The following BBS9 variants were observed in gnomAD, a reference collection of about 807,000 sequenced individuals.
BBS9 encodes the protein Bardet-Biedl syndrome 9, also known as protein PTHB1.
A neutral mutation model predicts 117.7 loss-of-function variants in BBS9; 89 were observed. The ratio of observed to expected loss-of-function variants is 0.76; its 90% CI spans 0.64 to 0.90. The LOEUF (loss-of-function observed/expected upper bound fraction) is 0.90, where lower values mean the gene tolerates loss of function less well. Ranked by LOEUF, BBS9 falls within the 40% of genes least tolerant of loss-of-function variation. BBS9 has a pLI of 0.00. For missense variants in BBS9, 982 were observed against 1,042.2 expected (o/e 0.94, Z 0.80); for synonymous variants, 379 against 370.9 (o/e 1.02, Z -0.25).
intron 21 of BBS9, among the ~76,000 whole-genome samples, chr7:33,627,616 A>G (rs1865703026): frequency 6.6e-6 from 1 of 152,240 alleles, no homozygotes; most frequent in Non-Finnish European, 1.5e-5. Flanking sequence ...AGAGCCACAT[A>G]GGCAGAGATG....
At chr7:33,406,875 C>A (rs1830100913) in intron 19 of BBS9, among the ~76,000 whole-genome samples, 1 of 152,106 alleles carries the variant, frequency 6.6e-6, no homozygotes. Context: ...ACATTTTTTC[C>A]TTCGTTTCAA....
At chr7:33,260,316 T>C (rs1797776995) in intron 6 of BBS9, among the ~76,000 whole-genome samples, 1 of 152,166 alleles carries the variant, frequency 6.6e-6, no homozygotes. Flanking sequence ...TATTTTATTA[T>C]TGACATTCAG....
chr7:33,500,934 T>C (rs2129010001), intron 19 of BBS9, among the ~76,000 whole-genome samples: 1 of 152,326 alleles, frequency 6.6e-6, no homozygotes, highest in African/African-American at 2.4e-5. Flanking sequence ...AGATGTCCTT[T>C]GGGGTCTCCA....
At chr7:33,521,708 T>A (rs1848623477) in intron 20 of BBS9, among the ~76,000 whole-genome samples, 1 of 152,132 alleles carries the variant, frequency 6.6e-6, no homozygotes, top group African/African-American at 2.4e-5. Flanking sequence ...TTATGTTATT[T>A]TATTTTCTAT....
At chr7:33,493,921 GCTGA>G (rs541255483) in intron 19 of BBS9, among the ~76,000 whole-genome samples, 3 of 152,098 alleles carry the variant, frequency 2.0e-5, no homozygotes, top group Non-Finnish European at 2.9e-5. Context: ...TATCTATAAT[GCTGA>G]CTATCAAACT....
At chr7:33,203,668 T>A (rs1786326521) in intron 5 of BBS9, among the ~76,000 whole-genome samples, 1 of 152,092 alleles carries the variant, frequency 6.6e-6, no homozygotes, top group Non-Finnish European at 1.5e-5. Context: ...GTAACAAGTA[T>A]TAGAAATTAA....
chr7:33,498,690 C>G (rs1467925678), intron 19 of BBS9, among the ~76,000 whole-genome samples: 3 of 152,032 alleles, frequency 2.0e-5, no homozygotes, highest in Non-Finnish European at 4.4e-5. Flanking sequence ...TGTATAAGTA[C>G]TTGGTTTCTT....
chr7:33,309,296 A>G (rs1186357478), intron 9 of BBS9, among the ~76,000 whole-genome samples: 2 of 147,330 alleles, frequency 1.4e-5, no homozygotes, highest in African/African-American at 2.4e-5. Context: ...AAGGTTTCCA[A>G]CACTTCAAAT....
chr7:33,446,330 G>A (rs1277051799), intron 19 of BBS9, among the ~76,000 whole-genome samples: 1 of 152,108 alleles, frequency 6.6e-6, no homozygotes, highest in African/African-American at 2.4e-5. Context: ...CCATAGTATT[G>A]CCATTTGGTT....
At chr7:33,337,820 G>A (rs528414705) in intron 10 of BBS9, among the ~76,000 whole-genome samples, 34 of 152,150 alleles carry the variant, frequency 2.2e-4, no homozygotes, top group Admixed American at 4.6e-4. Context: ...AATTGGGGAA[G>A]GGTGGCATAG....
intron 13 of BBS9, among the ~76,000 whole-genome samples, chr7:33,350,209 C>T (rs796105093): frequency 2.4e-4 from 36 of 152,162 alleles, no homozygotes; most frequent in African/African-American, 6.7e-4. Flanking sequence ...CTCTTATTCA[C>T]GAAGTCAAGA....
chr7:33,345,053 C>T (rs913977679), intron 12 of BBS9, among the ~76,000 whole-genome samples: 2 of 152,196 alleles, frequency 1.3e-5, no homozygotes, highest in Admixed American at 6.5e-5. Context: ...TATCTTTCTT[C>T]TACCTATGAT....
chr7:33,152,389 A>G (rs750066769), intron 2 of BBS9, among the ~76,000 whole-genome samples: 8 of 152,298 alleles, frequency 5.3e-5, no homozygotes, highest in South Asian at 4.1e-4. Flanking sequence ...ACATTGTACT[A>G]GTCCTTTGAT....
chr7:33,548,360 A>G (rs149567972), intron 21 of BBS9, among the ~76,000 whole-genome samples: 62 of 151,134 alleles, frequency 4.1e-4, no homozygotes, highest in African/African-American at 1.4e-3. Flanking sequence ...CTTTTTTTTT[A>G]TTATACTTTA....
At chr7:33,365,090 T>C (rs559278388) in intron 16 of BBS9, among the ~76,000 whole-genome samples, 1 of 151,966 alleles carries the variant, frequency 6.6e-6, no homozygotes, top group South Asian at 2.1e-4. Flanking sequence ...TCTTTTTTTT[T>C]CTTTTTTCTT....
intron 15 of BBS9, among the ~76,000 whole-genome samples, chr7:33,354,484 G>T (rs974862670): frequency 6.6e-6 from 1 of 152,106 alleles, no homozygotes; most frequent in African/African-American, 2.4e-5. Context: ...TACGTAGCCA[G>T]ACATAACAGG....
At chr7:33,390,323 C>A (rs1190663618) in intron 19 of BBS9, 4 of 985,042 alleles carry the variant, frequency 4.1e-6, no homozygotes, top group Non-Finnish European at 4.8e-6. Context: ...AAGACTTCGT[C>A]TTTTATACAT....
At chr7:33,474,139 TG>T (rs1841475791) in intron 19 of BBS9, among the ~76,000 whole-genome samples, 1 of 152,248 alleles carries the variant, frequency 6.6e-6, no homozygotes, top group African/African-American at 2.4e-5. Context: ...GTGTTCCCTG[TG>T]GTGAACCTTT....
In BBS9 at chr7:33,137,610, A is replaced by G. The variant is rs556479737; in HGVS notation, c.-12+7569A>G. ...GGTATCCCAACTTTGTACTGATGAGAGTTTGTGGTTTCTTAATTTCTTGGG... is the reference window on the plus strand; with the variant it reads ...GGTATCCCAACTTTGTACTGATGAGGGTTTGTGGTTTCTTAATTTCTTGGG... On this transcript the variant is annotated intron_variant, in intron 1 of 22. Coordinates refer to ENST00000242067, the MANE Select transcript of BBS9 (RefSeq NM_198428.3). 7.2e-5 allele frequency among the ~76,000 whole-genome samples: 11 copies of G among 152,142 alleles called. No homozygotes were observed. In the South Asian group the frequency reaches 2.3e-3, roughly 32 times the overall value.
Sources: gnomAD v4.1 joint callset for allele counts (sites outside exome capture counted in the v4.1 genomes callset) on GRCh38, gnomAD v4.1.1 for gene constraint, MANE v1.5 for transcripts, NCBI Gene and HGNC (gene_info 2026-07-23, HGNC 2026-07-21) for gene names.